Variants in SPATA17 observed in about 807,000 individuals in gnomAD.
SPATA17 encodes spermatogenesis-associated protein 17.
A neutral mutation model predicts 62.2 loss-of-function variants in SPATA17; 53 were observed. The ratio of observed to expected loss-of-function variants is 0.85; its 90% confidence interval spans 0.68 to 1.07. SPATA17 has a LOEUF of 1.07. Among genes scored for constraint, SPATA17 ranks in the 50% least tolerant of loss-of-function variants. SPATA17 has a pLI of 0.00. For synonymous variants in SPATA17, 146 were observed against 146.8 expected (o/e 0.99, Z 0.04); for missense variants, 466 against 425.5 (o/e 1.10, Z -0.84).
At chr1:217,836,859 A>T (rs905409716) in intron 9 of SPATA17, among the ~76,000 whole-genome samples, 1 of 152,158 alleles carries the variant, frequency 6.6e-6, no homozygotes, top group South Asian at 2.1e-4. Context: ...TTACTATCTT[A>T]TAATTTAAAC....
At chr1:217,795,282 CA>C (rs1269118636) in intron 8 of SPATA17, among the ~76,000 whole-genome samples, 1 of 148,520 alleles carries the variant, frequency 6.7e-6, no homozygotes, top group African/African-American at 2.5e-5. Context: ...ATTCACTCAA[CA>C]AATATTGCAT....
At chr1:217,815,688 T>C (rs1184575513) in intron 9 of SPATA17, among the ~76,000 whole-genome samples, 1 of 152,142 alleles carries the variant, frequency 6.6e-6, no homozygotes, top group African/African-American at 2.4e-5. Flanking sequence ...CTCCATAATG[T>C]GGGTGGGTCT....
intron 5 of SPATA17, among the ~76,000 whole-genome samples, chr1:217,710,260 C>T (rs571804634): frequency 5.3e-5 from 8 of 152,102 alleles, no homozygotes; most frequent in African/African-American, 1.9e-4. Context: ...TCTTTTGTAA[C>T]CTCTAGACTG....
intron 3 of SPATA17, among the ~76,000 whole-genome samples, chr1:217,655,877 G>T (rs1183646282): frequency 6.6e-6 from 1 of 152,078 alleles, no homozygotes; most frequent in African/African-American, 2.4e-5. Flanking sequence ...GGAGTAATGA[G>T]CACCTTTAGT....
intron 9 of SPATA17, among the ~76,000 whole-genome samples, chr1:217,841,464 CAT>C (rs1204276499): frequency 6.6e-6 from 1 of 151,828 alleles, no homozygotes; most frequent in East Asian, 1.9e-4. Context: ...GGGTGCATGA[CAT>C]ATATATTATT....
In SPATA17 at chr1:217,870,685, A is replaced by T. The variant is rs182926315; in HGVS notation, c.*3666A>T. 1 of 152,282 alleles carries T rather than the reference A, an allele frequency of 6.6e-6. No homozygotes were observed. Among genetic ancestry groups the T allele is most frequent in the East Asian group, 1.9e-4 (1 of 5,178 alleles). The allele number at this position is 152,282 out of a possible 1,614,324, so 9.4% of individuals were successfully genotyped here. ...TGACTACTGACCACTAAAAACACTA[A>T]GAGTACCACTGTGGATGTTTAAAAA... On this transcript the variant is annotated 3_prime_UTR_variant, in exon 11 of 11. Transcript: ENST00000366933.
intron 6 of SPATA17, among the ~76,000 whole-genome samples, chr1:217,764,124 C>A (rs928735547): frequency 2.6e-5 from 4 of 152,128 alleles, no homozygotes; most frequent in African/African-American, 9.7e-5. Context: ...CATTAGGTTT[C>A]ATTCCTGATG....
chr1:217,732,518 A>T (rs1406903433), intron 5 of SPATA17, among the ~76,000 whole-genome samples: 1 of 152,174 alleles, frequency 6.6e-6, no homozygotes, highest in East Asian at 1.9e-4. Flanking sequence ...TAGCTACCTC[A>T]ATTCTGAACT....
At chr1:217,726,626 A>C (rs1672263254) in intron 5 of SPATA17, among the ~76,000 whole-genome samples, 1 of 151,988 alleles carries the variant, frequency 6.6e-6, no homozygotes, top group Non-Finnish European at 1.5e-5. Flanking sequence ...TCATTCATTC[A>C]GCTTCCAGTT....
intron 9 of SPATA17, among the ~76,000 whole-genome samples, chr1:217,856,523 A>G (rs985635393): frequency 6.6e-6 from 1 of 152,218 alleles, no homozygotes. Flanking sequence ...GACTCTGGCC[A>G]TCACACAATA....
At chr1:217,664,425 G>A (rs771928441) in intron 3 of SPATA17, among the ~76,000 whole-genome samples, 6 of 151,494 alleles carry the variant, frequency 4.0e-5, no homozygotes, top group Non-Finnish European at 7.4e-5. Flanking sequence ...GAGTAGCTGG[G>A]ATTACAGGTG....
intron 6 of SPATA17, among the ~76,000 whole-genome samples, chr1:217,749,985 C>CTCTCTCTCTCTCTCTATA: frequency 4.9e-4 from 6 of 12,314 alleles, no homozygotes; most frequent in Non-Finnish European, 7.9e-4. Context: ...CTCTCTCTCT[C>CTCTCTCTCTCTCTCTATA]TATATATATA....
chr1:217,698,908 C>A (rs59877482), intron 5 of SPATA17, among the ~76,000 whole-genome samples: 38,157 of 152,068 alleles, frequency 0.25, 5,258 homozygotes, highest in African/African-American at 0.36. Flanking sequence ...GCCAACCATT[C>A]ATCTGTTTGC....
At chr1:217,800,062 G>A (rs777183946) in intron 8 of SPATA17, among the ~76,000 whole-genome samples, 2 of 151,922 alleles carry the variant, frequency 1.3e-5, no homozygotes, top group Non-Finnish European at 2.9e-5. Flanking sequence ...ACTCCTGTTT[G>A]CTGCATTATG....
intron 6 of SPATA17, among the ~76,000 whole-genome samples, chr1:217,770,044 C>T (rs991004244): frequency 2.6e-5 from 4 of 151,660 alleles, no homozygotes; most frequent in Admixed American, 6.6e-5. Context: ...GTAGATTCAG[C>T]AGTCCCTACC....
At chr1:217,676,408 T>C (rs1670947300) in intron 4 of SPATA17, among the ~76,000 whole-genome samples, 1 of 152,162 alleles carries the variant, frequency 6.6e-6, no homozygotes, top group Non-Finnish European at 1.5e-5. Context: ...TTTATACCTC[T>C]ACCGTGCCTG....
chr1:217,784,431 T>C (rs1673805230), intron 8 of SPATA17, among the ~76,000 whole-genome samples: 1 of 152,124 alleles, frequency 6.6e-6, no homozygotes, highest in South Asian at 2.1e-4. Context: ...TTTCATATCA[T>C]TATGAAAATT....
At chr1:217,655,206 A>T (rs144479967) in intron 3 of SPATA17, among the ~76,000 whole-genome samples, 1 of 152,168 alleles carries the variant, frequency 6.6e-6, no homozygotes, top group Non-Finnish European at 1.5e-5. Flanking sequence ...CCTTTAATCT[A>T]GAATAATTTT....
intron 4 of SPATA17, among the ~76,000 whole-genome samples, chr1:217,681,621 A>G (rs1048044579): frequency 6.6e-6 from 1 of 151,696 alleles, no homozygotes. Context: ...CTGGTCTCGA[A>G]CTCCAGACCT....
Sources: allele counts gnomAD v4.1 joint callset (sites outside exome capture counted in the v4.1 genomes callset), GRCh38; gene constraint gnomAD v4.1.1; transcripts MANE v1.5; gene names NCBI Gene and HGNC (gene_info 2026-07-23, HGNC 2026-07-21).